Variants in ACAP2 observed in about 807,000 individuals in gnomAD.
ACAP2 encodes the protein ArfGAP with coiled-coil, ankyrin repeat and PH domains 2.
Under a neutral mutation model 115.8 loss-of-function variants are expected in ACAP2, and 39 were observed. The ratio of observed to expected loss-of-function variants is 0.34; its 90% CI spans 0.26 to 0.44. The LOEUF is 0.44. Ranked by LOEUF, ACAP2 falls within the 20% of genes least tolerant of loss-of-function variation. The pLI is 1.00. For synonymous variants in ACAP2, 289 were observed against 315.8 expected (o/e 0.92, Z 0.90); for missense variants, 662 against 927.6 (o/e 0.71, Z 3.72).
chr3:195,379,632 A>AAAAC (rs922521271), intron 4 of ACAP2, among the ~76,000 whole-genome samples: 2 of 152,256 alleles, frequency 1.3e-5, no homozygotes, highest in South Asian at 2.1e-4. Context: ...ATCTCTACCA[A>AAAAC]AAACAAACAA....
intron 1 of ACAP2, among the ~76,000 whole-genome samples, chr3:195,441,321 C>T (rs769614401): frequency 2.0e-5 from 3 of 152,200 alleles, no homozygotes; most frequent in African/African-American, 7.2e-5. Flanking sequence ...AACCAACCTG[C>T]ACGCCTGTCC....
chr3:195,299,128 G>A (rs1727853019), intron 15 of ACAP2, among the ~76,000 whole-genome samples: 1 of 152,056 alleles, frequency 6.6e-6, no homozygotes, highest in South Asian at 2.1e-4. Flanking sequence ...AATCTGCACT[G>A]GTACTGTGAG....
intron 5 of ACAP2, among the ~76,000 whole-genome samples, chr3:195,344,679 C>T (rs554229295): frequency 1.3e-5 from 2 of 152,170 alleles, no homozygotes; most frequent in African/African-American, 4.8e-5. Flanking sequence ...CACCACCCCG[C>T]CCCGCTAATT....
At chr3:195,394,304 C>A (rs529164713) in intron 1 of ACAP2, among the ~76,000 whole-genome samples, 1 of 152,130 alleles carries the variant, frequency 6.6e-6, no homozygotes, top group Non-Finnish European at 1.5e-5. Flanking sequence ...TCACTAAGTA[C>A]GCTAATTGTC....
chr3:195,436,779 T>A (rs1715574861), intron 1 of ACAP2, among the ~76,000 whole-genome samples: 2 of 152,128 alleles, frequency 1.3e-5, no homozygotes, highest in South Asian at 4.1e-4. Context: ...ACAAAAGGGA[T>A]GTGCGATTCA....
chr3:195,350,215 A>G (rs1419853038), intron 4 of ACAP2, among the ~76,000 whole-genome samples: 1 of 152,196 alleles, frequency 6.6e-6, no homozygotes, highest in Non-Finnish European at 1.5e-5. Context: ...AGAAACTGAA[A>G]AGTTGATTCT....
intron 4 of ACAP2, among the ~76,000 whole-genome samples, chr3:195,376,243 C>T (rs1046363806): frequency 3.3e-5 from 5 of 152,026 alleles, no homozygotes; most frequent in African/African-American, 1.2e-4. Context: ...AAAATATAAA[C>T]GCTAGCCGGG....
intron 10 of ACAP2, among the ~76,000 whole-genome samples, chr3:195,318,695 C>T (rs932956803): frequency 6.6e-6 from 1 of 152,024 alleles, no homozygotes; most frequent in East Asian, 1.9e-4. Flanking sequence ...CCATTATATG[C>T]GTTCACAAAG....
intron 4 of ACAP2, among the ~76,000 whole-genome samples, chr3:195,375,297 A>G (rs1733449941): frequency 6.6e-6 from 1 of 152,164 alleles, no homozygotes; most frequent in Admixed American, 6.5e-5. Flanking sequence ...TAATTCCATT[A>G]AAAAGAACCT....
chr3:195,296,002 A>T, intron 16 of ACAP2, 110 bp from the exon 17 acceptor site: 1 of 766,034 alleles, frequency 1.3e-6, no homozygotes, highest in Non-Finnish European at 2.1e-6. Flanking sequence ...TGAATGTAAT[A>T]CTGGTTAAAA....
intron 15 of ACAP2, among the ~76,000 whole-genome samples, chr3:195,299,372 A>C (rs12493180): frequency 0.021 from 3,132 of 150,984 alleles, 103 homozygotes; most frequent in East Asian, 0.099. Flanking sequence ...GAGTTCAAGA[A>C]CAGCCTTTGC....
chr3:195,390,420 C>T (rs1402739916), intron 2 of ACAP2, among the ~76,000 whole-genome samples: 2 of 152,110 alleles, frequency 1.3e-5, no homozygotes, highest in African/African-American at 2.4e-5. Flanking sequence ...AATAACTTAT[C>T]TCTAAACATC....
intron 1 of ACAP2, among the ~76,000 whole-genome samples, chr3:195,411,333 T>C (rs550317701): frequency 1.8e-4 from 27 of 152,338 alleles, no homozygotes; most frequent in African/African-American, 6.5e-4. Context: ...TGTATACCCA[T>C]GTTCACAGCC....
At chr3:195,344,101 C>T (rs1021352414) in intron 5 of ACAP2, among the ~76,000 whole-genome samples, 2 of 152,116 alleles carry the variant, frequency 1.3e-5, no homozygotes, top group Non-Finnish European at 2.9e-5. Context: ...GCCTGTAGTC[C>T]TAACTACTCA....
intron 1 of ACAP2, among the ~76,000 whole-genome samples, chr3:195,425,862 C>T (rs1210652277): frequency 1.3e-5 from 2 of 152,098 alleles, no homozygotes; most frequent in Non-Finnish European, 2.9e-5. Context: ...AACTATCTCC[C>T]AAGTTGTCTC....
intron 1 of ACAP2, 53 bp from the exon 2 acceptor site, chr3:195,392,200 T>C: frequency 7.1e-7 from 1 of 1,415,478 alleles, no homozygotes; most frequent in Non-Finnish European, 9.8e-7. Flanking sequence ...ATGTACACTT[T>C]ACTCTTGAAA....
In ACAP2 at chr3:195,279,402, G is replaced by A. The variant is rs775919980; in HGVS notation, c.2263C>T (p.Arg755Cys). ...PGDETYQDIF[R>C]DFSQMASNNP... ...TTGGATGCCATTTGGGAAAAATCAC[G>A]AAATATGTCCTGATAAGTTTCATCA... Residue 755 changes from arginine (R) to cysteine (C), a missense_variant, in exon 23 of 23, where the codon CGT becomes TGT. Coordinates refer to ENST00000326793, the MANE Select transcript of ACAP2 (RefSeq NM_012287.6). 1.1e-5 allele frequency: 17 copies of A among 1,605,574 alleles called. No individual in the cohort carries two copies. The highest frequency in any genetic ancestry group is 1.4e-5 in the Non-Finnish European group (17 of 1,176,582).
chr3:195,426,075 G>A (rs1034445590), intron 1 of ACAP2, among the ~76,000 whole-genome samples: 3 of 152,162 alleles, frequency 2.0e-5, no homozygotes, highest in African/African-American at 7.2e-5. Context: ...CACTACAGAT[G>A]AATTATAATG....
At chr3:195,316,002 A>G (rs756938912) in intron 10 of ACAP2, among the ~76,000 whole-genome samples, 2 of 152,234 alleles carry the variant, frequency 1.3e-5, no homozygotes, top group Non-Finnish European at 1.5e-5. Flanking sequence ...CTCTCATTGT[A>G]GTAGTCCATG....
Sources: gnomAD v4.1 joint callset for allele counts (sites outside exome capture counted in the v4.1 genomes callset) on GRCh38, gnomAD v4.1.1 for gene constraint, MANE v1.5 for transcripts, NCBI Gene and HGNC (gene_info 2026-07-23, HGNC 2026-07-21) for gene names.